Variants in COL26A1 observed in about 807,000 individuals in gnomAD.
COL26A1 encodes collagen type XXVI alpha 1 chain, also known as collagen alpha-1(XXVI) chain.
A neutral mutation model predicts 59.3 loss-of-function variants in COL26A1; 41 were observed. That is an observed-to-expected ratio of 0.69 (90% CI 0.54 to 0.90). The LOEUF (loss-of-function observed/expected upper bound fraction) is 0.90, where lower values mean the gene tolerates loss of function less well. Among genes scored for constraint, COL26A1 ranks in the 40% least tolerant of loss-of-function variants. The pLI, the probability that COL26A1 is intolerant of heterozygous loss-of-function variation, is 0.00. For synonymous variants in COL26A1, 266 were observed against 256.0 expected (o/e 1.04, Z -0.37); for missense variants, 612 against 602.3 (o/e 1.02, Z -0.17).
rs145531131 is a variant in COL26A1 at position 101,373,892 on chromosome 7, A to G, written c.158+10702A>G. ...TATTTTAAAATCCATTCCCAGAGAA[A>G]CAATTCCTATGGCAATAAGAGCACT... On this transcript the variant is annotated intron_variant, in intron 1 of 12. Coordinates refer to ENST00000313669, the MANE Select transcript of COL26A1 (RefSeq NM_001278563.3). Among the ~76,000 whole-genome samples the G allele has an allele frequency of 4.2e-4, 64 of 152,226 alleles. 1 individual carries two copies. In the East Asian group the frequency reaches 0.01, roughly 24 times the overall value.
chr7:101,495,661 C>T (rs548080144), intron 3 of COL26A1, among the ~76,000 whole-genome samples: 7 of 151,296 alleles, frequency 4.6e-5, no homozygotes, highest in South Asian at 4.2e-4. Context: ...CCTTGTGATC[C>T]GCCCACCTCG....
intron 2 of COL26A1, among the ~76,000 whole-genome samples, chr7:101,422,023 C>T (rs896075307): frequency 3.3e-5 from 5 of 152,010 alleles, no homozygotes. Context: ...TTAGAAACAG[C>T]TGCTTTTGCC....
intron 3 of COL26A1, among the ~76,000 whole-genome samples, chr7:101,449,813 G>T (rs1793286273): frequency 6.6e-6 from 1 of 151,966 alleles, no homozygotes; most frequent in African/African-American, 2.4e-5. Flanking sequence ...TCATGGTCAT[G>T]GTTTATTACA....
At chr7:101,555,742 C>T (rs1436084525) in intron 11 of COL26A1, 45 bp from the exon 12 acceptor site, 4 of 1,500,794 alleles carry the variant, frequency 2.7e-6, no homozygotes, top group Non-Finnish European at 3.6e-6. Flanking sequence ...GCCCTGACCC[C>T]TTCCTCATGG....
intron 3 of COL26A1, among the ~76,000 whole-genome samples, chr7:101,460,117 A>G (rs1793574700): frequency 6.6e-6 from 1 of 152,186 alleles, no homozygotes; most frequent in African/African-American, 2.4e-5. Context: ...ACCATTTATC[A>G]AAATGAGCCG....
chr7:101,453,794 C>T (rs2130397883), intron 3 of COL26A1, among the ~76,000 whole-genome samples: 1 of 152,228 alleles, frequency 6.6e-6, no homozygotes, highest in African/African-American at 2.4e-5. Flanking sequence ...TAAATCAAGG[C>T]CATGCCCATG....
At chr7:101,476,550 CTT>C (rs557412315) in intron 3 of COL26A1, among the ~76,000 whole-genome samples, 19 of 143,882 alleles carry the variant, frequency 1.3e-4, no homozygotes, top group African/African-American at 1.5e-4. Flanking sequence ...TACTTGGTTA[CTT>C]TTTTTTTTTT....
rs537198575 is a variant in COL26A1, at chr7:101,423,503, G to C, written c.281+3404G>C. Reference sequence around the variant, plus strand: ...TAATCCCAGCATTTTTGGAGGATAAGGTGGGTGGATCACACGGTCAGGAGT... The same window carrying C: ...TAATCCCAGCATTTTTGGAGGATAACGTGGGTGGATCACACGGTCAGGAGT... On this transcript the variant is annotated intron_variant, in intron 2 of 12. Transcript: ENST00000313669. Among the ~76,000 whole-genome samples, 9 of 152,254 alleles carry C rather than the reference G, an allele frequency of 5.9e-5. No homozygotes were observed. The South Asian group carries it at 1.9e-3, about 32-fold the overall frequency.
chr7:101,514,876 C>G (rs1340019687), intron 3 of COL26A1, among the ~76,000 whole-genome samples: 1 of 152,232 alleles, frequency 6.6e-6, no homozygotes, highest in Non-Finnish European at 1.5e-5. Flanking sequence ...GTGGGGAGAT[C>G]TAGGCTCCCT....
chr7:101,411,659 A>G (rs1412125375), intron 1 of COL26A1, among the ~76,000 whole-genome samples: 1 of 152,040 alleles, frequency 6.6e-6, no homozygotes, highest in Non-Finnish European at 1.5e-5. Context: ...TGGATTGGAC[A>G]GGTTGGCATT....
chr7:101,544,528 CTTT>C (rs58206894), intron 6 of COL26A1, among the ~76,000 whole-genome samples: 3,403 of 98,548 alleles, frequency 0.035, 79 homozygotes, highest in Non-Finnish European at 0.049. Flanking sequence ...CCTCACCTGG[CTTT>C]TTTTTTTTTT....
chr7:101,477,791 T>C (rs962139154), intron 3 of COL26A1, among the ~76,000 whole-genome samples: 1 of 152,190 alleles, frequency 6.6e-6, no homozygotes, highest in Non-Finnish European at 1.5e-5. Flanking sequence ...TTTGTCCAAG[T>C]ACTTGGTATG....
chr7:101,554,138 A>G (rs78896176), intron 11 of COL26A1, among the ~76,000 whole-genome samples: 2,002 of 152,156 alleles, frequency 0.013, 19 homozygotes, highest in Middle Eastern at 0.048. Flanking sequence ...TGATTGCCAG[A>G]GAATGAGAAG....
intron 1 of COL26A1, among the ~76,000 whole-genome samples, chr7:101,377,851 G>A (rs771512697): frequency 2.8e-4 from 42 of 152,296 alleles, no homozygotes; most frequent in Admixed American, 1.0e-3. Flanking sequence ...TAGATAGGCT[G>A]ACTGATCATT....
intron 2 of COL26A1, among the ~76,000 whole-genome samples, chr7:101,422,363 G>T (rs1792542850): frequency 1.6e-5 from 2 of 123,208 alleles, no homozygotes; most frequent in South Asian, 2.7e-4. Context: ...ATGGCAGTGG[G>T]TCCAAAATGA....
Position 101,519,649 on chromosome 7 carries a change from A to ATCC in COL26A1, c.386-13430_386-13428dup, listed in dbSNP as rs142648822. Among the ~76,000 whole-genome samples, 1,454 of 152,322 alleles carry ATCC rather than the reference A, an allele frequency of 9.5e-3. 10 individuals carry two copies. Among genetic ancestry groups the ATCC allele is most frequent in the Non-Finnish European group, 0.015 (1,002 of 68,022 alleles). On this transcript the variant is annotated intron_variant, in intron 3 of 12. Transcript: ENST00000313669. ...TCAGGCACTGGGAACTGCCCTGTGC[A>ATCC]TCCTCAGGCAGAGCACAGCCCTCTC... is the stretch of plus-strand genomic sequence containing the variant.
chr7:101,549,929 C>T (rs1401175118), intron 9 of COL26A1, among the ~76,000 whole-genome samples: 1 of 152,166 alleles, frequency 6.6e-6, no homozygotes, highest in Non-Finnish European at 1.5e-5. Context: ...CCTGACTCAG[C>T]CCCTAACCCC....
At chr7:101,363,523 G>T (rs1477695636) in intron 1 of COL26A1, among the ~76,000 whole-genome samples, 1 of 139,826 alleles carries the variant, frequency 7.2e-6, no homozygotes, top group Non-Finnish European at 1.6e-5. Context: ...AGGGCGATTG[G>T]GGGCTGGGGC....
At chr7:101,379,110 G>C (rs1377434540) in intron 1 of COL26A1, among the ~76,000 whole-genome samples, 3 of 152,026 alleles carry the variant, frequency 2.0e-5, no homozygotes, top group African/African-American at 7.2e-5. Context: ...TGCTCTTCTG[G>C]GAGGGTTTAT....
Sources: gnomAD v4.1 joint callset for allele counts (sites outside exome capture counted in the v4.1 genomes callset) on GRCh38, gnomAD v4.1.1 for gene constraint, MANE v1.5 for transcripts, NCBI Gene and HGNC (gene_info 2026-07-23, HGNC 2026-07-21) for gene names.